The following SESN1 variants were observed in gnomAD, a reference collection of about 807,000 sequenced individuals.
SESN1 encodes sestrin-1.
SESN1 carries 30 observed loss-of-function variants against 59.3 expected under a neutral mutation model. The ratio of observed to expected loss-of-function variants is 0.51; its 90% confidence interval spans 0.38 to 0.69. SESN1 has a LOEUF of 0.69. SESN1 is among the 30% of genes least tolerant of loss of function. SESN1 has a pLI of 0.00. For synonymous variants in SESN1, 197 were observed against 219.9 expected (o/e 0.90, Z 0.92); for missense variants, 566 against 673.0 (o/e 0.84, Z 1.76).
intron 1 of SESN1, among the ~76,000 whole-genome samples, chr6:109,045,853 T>C (rs1422332943): frequency 1.3e-5 from 2 of 152,108 alleles, no homozygotes; most frequent in Non-Finnish European, 2.9e-5. Flanking sequence ...GCATGGAATG[T>C]TACACAGAGT....
chr6:109,093,268 A>T (rs1781364821), intron 1 of SESN1, among the ~76,000 whole-genome samples: 1 of 152,212 alleles, frequency 6.6e-6, no homozygotes, highest in Admixed American at 6.5e-5. Context: ...CCACCTTTTC[A>T]ACATGAAGAT....
At chr6:108,993,008 A>G (rs1724968019) in intron 6 of SESN1, 109 bp from the exon 7 acceptor site, 1 of 656,714 alleles carries the variant, frequency 1.5e-6, no homozygotes, top group African/African-American at 1.8e-5. Flanking sequence ...CTGAGTGACC[A>G]ATATCAACCA....
At chr6:109,046,223 G>C (rs1477460757) in intron 1 of SESN1, among the ~76,000 whole-genome samples, 8 of 149,808 alleles carry the variant, frequency 5.3e-5, no homozygotes, top group African/African-American at 1.7e-4. Context: ...CCTGCCGAGT[G>C]CCTGCGATTG....
Position 108,997,478 on chromosome 6 carries a change from C to T in SESN1, c.972+1035G>A, listed in dbSNP as rs981524841. Among the ~76,000 whole-genome samples, 27 of 152,290 alleles carry T rather than the reference C, an allele frequency of 1.8e-4. 1 individual carries two copies. Among genetic ancestry groups the T allele is most frequent in the African/African-American group, 6.5e-4 (27 of 41,560 alleles). On this transcript the variant is annotated intron_variant, in intron 5 of 9. Transcript: ENST00000436639. ...GGTCTTTGGCAGTCCTATGATCAACCTTGGGAAAATTATTCTTTCTTGTGC... is the reference window on the plus strand; with the variant it reads ...GGTCTTTGGCAGTCCTATGATCAACTTTGGGAAAATTATTCTTTCTTGTGC...
intron 1 of SESN1, among the ~76,000 whole-genome samples, chr6:109,027,476 C>CAAAAAAAA (rs57225616): frequency 7.3e-5 from 2 of 27,326 alleles, no homozygotes; most frequent in African/African-American, 1.2e-4. Context: ...GACTCTGTCT[C>CAAAAAAAA]AAAAAAAAAA....
Position 108,985,704 on chromosome 6 carries a change from G to A in SESN1, c.*1840C>T, listed in dbSNP as rs927805457. 1.3e-5 allele frequency among the ~76,000 whole-genome samples: 2 copies of A among 152,068 alleles called. No homozygotes were observed. Among genetic ancestry groups the A allele is most frequent in the Non-Finnish European group, 2.9e-5 (2 of 67,998 alleles). On this transcript the variant is annotated 3_prime_UTR_variant, in exon 10 of 10. Transcript: ENST00000436639. Reference sequence around the variant, plus strand: ...GATTAGAATCTCTACTAGAAATTTTGTATTTTCAAGAGGAGGAACAAAGAG... The same window carrying A: ...GATTAGAATCTCTACTAGAAATTTTATATTTTCAAGAGGAGGAACAAAGAG...
intron 1 of SESN1, among the ~76,000 whole-genome samples, chr6:109,034,053 G>A (rs918995114): frequency 5.9e-5 from 9 of 152,168 alleles, no homozygotes; most frequent in Non-Finnish European, 8.8e-5. Context: ...AGGATTACAT[G>A]AAATCATGCA....
chr6:109,079,536 T>G (rs1324106638), intron 1 of SESN1, among the ~76,000 whole-genome samples: 1 of 152,222 alleles, frequency 6.6e-6, no homozygotes, highest in African/African-American at 2.4e-5. Flanking sequence ...AATGGTACTG[T>G]CATAATAGGA....
chr6:109,028,622 T>TA (rs1780133619), intron 1 of SESN1, among the ~76,000 whole-genome samples: 1 of 152,198 alleles, frequency 6.6e-6, no homozygotes, highest in Non-Finnish European at 1.5e-5. Context: ...GTTCTACTTT[T>TA]AGTACCCTTG....
At position 108,986,862 on chromosome 6, in the gene SESN1, AG is replaced by A. The variant is rs1287022953; in HGVS notation, c.*681del. The A allele has an allele frequency of 1.3e-5, 2 of 152,274 alleles. No homozygotes were observed. Among genetic ancestry groups the A allele is most frequent in the Non-Finnish European group, 2.9e-5 (2 of 68,048 alleles). The allele number at this position is 152,274 out of a possible 1,614,324, so 9.4% of individuals were successfully genotyped here. A position where few individuals can be genotyped will look rare whatever the true frequency, so the allele number is the denominator to read the frequency against. On this transcript the variant is annotated 3_prime_UTR_variant, in exon 10 of 10. Coordinates refer to ENST00000436639, the MANE Select transcript of SESN1 (RefSeq NM_014454.3). ...ACTTTCATTTAGGATTGCTTTTTGA[AG>A]AAAATCTTTAAGAATGCCATTTTAA...
At chr6:109,016,608 C>T (rs1198261677) in intron 1 of SESN1, among the ~76,000 whole-genome samples, 1 of 152,152 alleles carries the variant, frequency 6.6e-6, no homozygotes, top group African/African-American at 2.4e-5. Flanking sequence ...CTTCTGCCCT[C>T]CCAAATTCTC....
At position 109,094,292 on chromosome 6, in the gene SESN1, C is replaced by G; in HGVS notation, c.-219G>C. ...TCCTTGTACACGAAAGGGCAGTCTT[C>G]TTTCTGGAAAAACAAAGTTTGAAAG... On this transcript the variant is annotated 5_prime_UTR_variant, in exon 1 of 10. Transcript: ENST00000436639. The G allele has an allele frequency of 1.8e-6, 1 of 552,774 alleles. No homozygotes were observed. The highest frequency in any genetic ancestry group is 3.2e-6 in the Non-Finnish European group (1 of 315,490). 34.2% of individuals were successfully genotyped at this position (552,774 alleles called of 1,614,324 possible). A position where few individuals can be genotyped will look rare whatever the true frequency, so the allele number is the denominator to read the frequency against.
intron 8 of SESN1, among the ~76,000 whole-genome samples, chr6:108,989,042 G>A (rs1779284117): frequency 2.6e-5 from 4 of 152,048 alleles, no homozygotes; most frequent in Admixed American, 6.6e-5. Context: ...TTGCCCTGTC[G>A]CCCAGGCTGG....
In SESN1 at chr6:108,986,393, A is replaced by G. The variant is rs1779192878; in HGVS notation, c.*1151T>C. On this transcript the variant is annotated 3_prime_UTR_variant, in exon 10 of 10. Transcript: ENST00000436639. ...AAGTAGATAGAAACTCAAAATTATT[A>G]CTAATAGTGAAGTCATGATTTTTTA... The G allele has an allele frequency of 6.5e-6, 1 of 152,680 alleles. No individual in the cohort carries two copies. The highest frequency in any genetic ancestry group is 2.4e-5 in the African/African-American group (1 of 41,464). 9.5% of individuals were successfully genotyped at this position (152,680 alleles called of 1,614,324 possible). A position where few individuals can be genotyped will look rare whatever the true frequency, so the allele number is the denominator to read the frequency against.
chr6:109,091,707 T>A (rs894386705), intron 1 of SESN1, among the ~76,000 whole-genome samples: 6 of 152,250 alleles, frequency 3.9e-5, no homozygotes, highest in African/African-American at 1.2e-4. Context: ...GTTTACTTCT[T>A]TATGGTCTGT....
intron 1 of SESN1, among the ~76,000 whole-genome samples, chr6:109,034,672 A>G (rs1316671940): frequency 6.6e-6 from 1 of 152,208 alleles, no homozygotes; most frequent in African/African-American, 2.4e-5. Flanking sequence ...TGAGATACAA[A>G]AGGGAATGGG....
intron 1 of SESN1, 98 bp downstream of exon 1, chr6:109,093,697 T>G: frequency 8.1e-7 from 1 of 1,237,494 alleles, no homozygotes; most frequent in Non-Finnish European, 1.1e-6. Context: ...AATAAAAGTT[T>G]ACATAACAAC....
intron 1 of SESN1, among the ~76,000 whole-genome samples, chr6:109,050,388 T>TA (rs571788136): frequency 0.18 from 24,282 of 134,004 alleles, 2,091 homozygotes; most frequent in African/African-American, 0.22. Flanking sequence ...TTTAAATTGT[T>TA]AAAAAAAAAA....
intron 1 of SESN1, among the ~76,000 whole-genome samples, chr6:109,083,947 G>A (rs1781166542): frequency 6.6e-6 from 1 of 152,156 alleles, no homozygotes; most frequent in Non-Finnish European, 1.5e-5. Context: ...TTAAAGACAA[G>A]TGTGCAGTGC....
Sources: allele counts gnomAD v4.1 joint callset (sites outside exome capture counted in the v4.1 genomes callset), GRCh38; gene constraint gnomAD v4.1.1; transcripts MANE v1.5; gene names NCBI Gene and HGNC (gene_info 2026-07-23, HGNC 2026-07-21).